The following ARGFX variants were observed in gnomAD, a reference collection of about 807,000 sequenced individuals.
The protein encoded by ARGFX is arginine-fifty homeobox.
ARGFX carries 10 observed loss-of-function variants against 8.0 expected under a neutral mutation model. The ratio of observed to expected loss-of-function variants is 1.25; its 90% confidence interval spans 0.77 to 2.12. ARGFX has a LOEUF of 2.12. ARGFX is among the 30% of genes most tolerant of loss of function. The probability of loss-of-function intolerance (pLI) is 0.00; values close to 1 mark genes in which losing one functional copy is unlikely to be tolerated. For synonymous variants in ARGFX, 116 were observed against 117.8 expected (o/e 0.98, Z 0.10); for missense variants, 282 against 324.3 (o/e 0.87, Z 1.00).
chr3:121,580,074 T>TC (rs1381234539), intron 3 of ARGFX, among the ~76,000 whole-genome samples: 1 of 148,134 alleles, frequency 6.8e-6, no homozygotes, highest in Non-Finnish European at 1.5e-5. Flanking sequence ...CACCTCAGCC[T>TC]CCCGAGTAGC....
intron 2 of ARGFX, among the ~76,000 whole-genome samples, chr3:121,571,730 ATTT>A (rs1173636701): frequency 0.018 from 1,948 of 107,108 alleles, 9 homozygotes; most frequent in Non-Finnish European, 0.023. Flanking sequence ...TGCCCGGCAA[ATTT>A]TTTTTTTTTT....
intron 2 of ARGFX, among the ~76,000 whole-genome samples, chr3:121,575,058 G>A (rs1004468808): frequency 1.3e-5 from 2 of 152,144 alleles, no homozygotes; most frequent in Non-Finnish European, 2.9e-5. Flanking sequence ...AGTAGCTCAC[G>A]CCTGTAATCT....
chr3:121,569,691 G>A (rs1035682724), intron 1 of ARGFX, among the ~76,000 whole-genome samples: 8 of 152,140 alleles, frequency 5.3e-5, no homozygotes, highest in Non-Finnish European at 1.2e-4. Flanking sequence ...GAAATCATAT[G>A]AATGAACTTT....
Position 121,586,484 on chromosome 3 carries a change from C to T in ARGFX, c.832C>T (p.Leu278=). 1.9e-6 allele frequency: 3 copies of T among 1,614,168 alleles called. No individual in the cohort carries two copies. Among genetic ancestry groups the T allele is most frequent in the Non-Finnish European group, 1.7e-6 (2 of 1,180,034 alleles). The change falls in exon 5 of 5, where the codon CTA becomes TTA. Residue 278 remains leucine, a synonymous_variant. Transcript: ENST00000334384. ...LSIFAGPAVG[L]SPAQTWPNMT... ...CATCTTTGCTGGTCCAGCTGTAGGC[C>T]TATCTCCTGCACAAACCTGGCCCAA...
chr3:121,579,376 G>A (rs1337279647), intron 3 of ARGFX, among the ~76,000 whole-genome samples: 1 of 151,932 alleles, frequency 6.6e-6, no homozygotes, highest in African/African-American at 2.4e-5. Context: ...TTTCATTTTA[G>A]CCAAGGCTGA....
chr3:121,568,177 G>C (rs2048684682), intron 1 of ARGFX, among the ~76,000 whole-genome samples, 164 bp downstream of exon 1: 1 of 152,144 alleles, frequency 6.6e-6, no homozygotes, highest in Non-Finnish European at 1.5e-5. Context: ...AGGTCAGAAA[G>C]ACTGACTGTT....
rs2048831142 is a variant in ARGFX, at chr3:121,589,092, T to C, written c.*2492T>C. ...CGAGAGGCTGAGGTAAGAGCATCCC[T>C]TGAGCCACAGAGGTCGAGGCTGCAG... On this transcript the variant is annotated 3_prime_UTR_variant, in exon 5 of 5. Coordinates refer to ENST00000334384, the MANE Select transcript of ARGFX (RefSeq NM_001012659.2). Among the ~76,000 whole-genome samples, 6 of 152,168 alleles carry C rather than the reference T, an allele frequency of 3.9e-5. No homozygotes were observed. The highest frequency in any genetic ancestry group is 3.9e-4 in the Admixed American group (6 of 15,274).
rs57666199 is a variant in ARGFX at position 121,580,606 on chromosome 3, A to ATTTT, written c.220+3719_220+3722dup. On this transcript the variant is annotated intron_variant, in intron 3 of 4. Transcript: ENST00000334384. ...TGTGTGTGTGTGTGTATATATATAT[A>ATTTT]TTTTTTTTTTTTTTTTGAGATGAAG... 1.5e-3 allele frequency among the ~76,000 whole-genome samples: 173 copies of ATTTT among 115,204 alleles called. 3 individuals carry two copies. Among genetic ancestry groups the ATTTT allele is most frequent in the Middle Eastern group, 4.9e-3 (1 of 204 alleles). 75.6% of individuals were successfully genotyped at this position (115,204 alleles called of 152,430 possible).
intron 3 of ARGFX, among the ~76,000 whole-genome samples, chr3:121,580,604 A>ATT (rs1414827075): frequency 5.2e-5 from 5 of 96,288 alleles, no homozygotes; most frequent in South Asian, 3.5e-4. Flanking sequence ...GTATATATAT[A>ATT]TATTTTTTTT....
At chr3:121,579,734 A>G (rs1472523999) in intron 3 of ARGFX, among the ~76,000 whole-genome samples, 1 of 152,010 alleles carries the variant, frequency 6.6e-6, no homozygotes, top group Non-Finnish European at 1.5e-5. Context: ...ATGGTGGTGC[A>G]CATTTAGTCC....
At chr3:121,580,606 A>AATTTTT (rs2048772605) in intron 3 of ARGFX, among the ~76,000 whole-genome samples, 1 of 115,194 alleles carries the variant, frequency 8.7e-6, no homozygotes, top group Non-Finnish European at 1.7e-5. Flanking sequence ...ATATATATAT[A>AATTTTT]TTTTTTTTTT....
Position 121,587,864 on chromosome 3 carries a change from G to T in ARGFX, c.*1264G>T, listed in dbSNP as rs1209823267. On this transcript the variant is annotated 3_prime_UTR_variant, in exon 5 of 5. Transcript: ENST00000334384. ...AGTGGAGATGGGGTTTCGCCTTGTT[G>T]CCCAGGCTGAATTTGGGTTTTTTTA... Among the ~76,000 whole-genome samples the T allele has an allele frequency of 6.6e-6, 1 of 151,922 alleles. No homozygotes were observed. The highest frequency in any genetic ancestry group is 2.4e-5 in the African/African-American group (1 of 41,366).
intron 3 of ARGFX, among the ~76,000 whole-genome samples, chr3:121,583,665 C>A (rs969157877): frequency 1.5e-4 from 23 of 151,960 alleles, no homozygotes; most frequent in African/African-American, 5.3e-4. Context: ...TAGTTGGGAC[C>A]ACAGGTACAT....
chr3:121,585,165 T>C (rs2048803811), intron 4 of ARGFX, 100 bp downstream of exon 4: 1 of 1,323,664 alleles, frequency 7.6e-7, no homozygotes, highest in East Asian at 2.4e-5. Context: ...ACAATAATAT[T>C]TCATTAATTG....
Position 121,588,729 on chromosome 3 carries a change from C to T in ARGFX, c.*2129C>T, listed in dbSNP as rs529203580. ...GTCAAGAGATCAAGACCATCCTGGC[C>T]AACATGGTGAAATCCTGCCTCTACT... is the stretch of plus-strand genomic sequence containing the variant. On this transcript the variant is annotated 3_prime_UTR_variant, in exon 5 of 5. Transcript: ENST00000334384. Among the ~76,000 whole-genome samples, 19 of 144,694 alleles carry T rather than the reference C, an allele frequency of 1.3e-4. No homozygotes were observed. In the East Asian group the frequency reaches 3.9e-3, roughly 30 times the overall value. The allele number at this position is 144,694 out of a possible 152,430, so 94.9% of individuals were successfully genotyped here. A position where few individuals can be genotyped will look rare whatever the true frequency, so the allele number is the denominator to read the frequency against.
chr3:121,587,711 T>C lies in ARGFX; in HGVS notation c.*1111T>C, dbSNP rs1201521367. On this transcript the variant is annotated 3_prime_UTR_variant, in exon 5 of 5. Coordinates refer to ENST00000334384, the MANE Select transcript of ARGFX (RefSeq NM_001012659.2). Reference sequence around the variant, plus strand: ...CAGCACTCTGTCACCCAGGCTGGAGTGCAGTGGCACCATCTTGGCTCACTG... The same window carrying C: ...CAGCACTCTGTCACCCAGGCTGGAGCGCAGTGGCACCATCTTGGCTCACTG... Among the ~76,000 whole-genome samples the C allele has an allele frequency of 6.6e-6, 1 of 152,176 alleles. No homozygotes were observed. The highest frequency in any genetic ancestry group is 1.5e-5 in the Non-Finnish European group (1 of 68,032).
intron 1 of ARGFX, among the ~76,000 whole-genome samples, chr3:121,569,754 C>T (rs897093387): frequency 2.0e-5 from 3 of 152,206 alleles, no homozygotes; most frequent in African/African-American, 7.2e-5. Flanking sequence ...TTGAGTGGAT[C>T]TTTTACCCAT....
Position 121,590,323 on chromosome 3 carries a change from T to C in ARGFX, c.*3723T>C, listed in dbSNP as rs1177313927. ...GCAACAGCTTTGAGAGGTGAGACCTTTAAGGGTTACTAGGCAGAGCCCCCA... is the reference window on the plus strand; with the variant it reads ...GCAACAGCTTTGAGAGGTGAGACCTCTAAGGGTTACTAGGCAGAGCCCCCA... On this transcript the variant is annotated 3_prime_UTR_variant, in exon 5 of 5. Coordinates refer to ENST00000334384, the MANE Select transcript of ARGFX (RefSeq NM_001012659.2). Among the ~76,000 whole-genome samples, 1 of 152,306 alleles carries C rather than the reference T, an allele frequency of 6.6e-6. No homozygotes were observed. The highest frequency in any genetic ancestry group is 1.9e-4 in the East Asian group (1 of 5,190).
Position 121,568,807 on chromosome 3 carries a change from A to G in ARGFX, c.-13+794A>G, listed in dbSNP as rs113909340. ...CTGAATGTTACTGCATCATTTATTT[A>G]CTCTTAGGATTGTACTGAAGAACAG... On this transcript the variant is annotated intron_variant, in intron 1 of 4. Coordinates refer to ENST00000334384, the MANE Select transcript of ARGFX (RefSeq NM_001012659.2). Among the ~76,000 whole-genome samples, 501 of 152,194 alleles carry G rather than the reference A, an allele frequency of 3.3e-3. 2 individuals are homozygous for G. Among genetic ancestry groups the G allele is most frequent in the African/African-American group, 0.012 (481 of 41,528 alleles).
Sources: allele counts gnomAD v4.1 joint callset (sites outside exome capture counted in the v4.1 genomes callset), GRCh38; gene constraint gnomAD v4.1.1; transcripts MANE v1.5; gene names NCBI Gene and HGNC (gene_info 2026-07-23, HGNC 2026-07-21).